GALC: variants seen among roughly 807,000 people sequenced by gnomAD.
GALC encodes the protein galactosylceramidase.
GALC carries 77 observed loss-of-function variants against 91.8 expected under a neutral mutation model. That is an observed-to-expected ratio of 0.84 (90% CI 0.70 to 1.01). GALC has a LOEUF of 1.01. GALC is among the 50% of genes least tolerant of loss of function. The pLI is 0.00. For missense variants in GALC, 882 were observed against 855.9 expected, an observed-to-expected ratio of 1.03 and a Z score of -0.38; for synonymous variants, 357 against 306.7, an observed-to-expected ratio of 1.16 and a Z score of -1.71.
chr14:87,961,838 G>C (rs1398513708), intron 10 of GALC, among the ~76,000 whole-genome samples: 1 of 152,166 alleles, frequency 6.6e-6, no homozygotes, highest in Non-Finnish European at 1.5e-5. Context: ...ATCTCTGCCT[G>C]AAGTACCCGA....
chr14:87,951,463 T>C (rs967186605), intron 10 of GALC, among the ~76,000 whole-genome samples: 3 of 151,892 alleles, frequency 2.0e-5, no homozygotes. Context: ...TCAGCAAGGA[T>C]ATAAGAGATT....
intron 10 of GALC, chr14:87,954,001 T>G (rs753791012): frequency 1.2e-6 from 2 of 1,609,264 alleles, no homozygotes; most frequent in South Asian, 2.2e-5. Flanking sequence ...GGAGATATAA[T>G]TTTACTCGCA....
intron 10 of GALC, chr14:87,954,907 G>A (rs117618365): frequency 1.2e-4 from 186 of 1,567,318 alleles, no homozygotes; most frequent in Non-Finnish European, 1.6e-4. Context: ...AATGACTGTA[G>A]TTGATGGAAG....
rs746922378 is a variant in GALC at position 87,968,359 on chromosome 14, T to G, written c.884A>C (p.Asn295Thr). 3.1e-6 allele frequency: 5 copies of G among 1,613,552 alleles called. No individual in the cohort carries two copies. Among genetic ancestry groups the G allele is most frequent in the Non-Finnish European group, 4.2e-6 (5 of 1,179,684 alleles). The change falls in exon 8 of 17, where the codon AAT (asparagine) becomes ACT (threonine). Residue 295 changes from asparagine (N) to threonine (T), a missense_variant. By Grantham distance (65) the Asn-to-Thr change is moderately conservative (BLOSUM62 0). Coordinates refer to ENST00000261304, the MANE Select transcript of GALC (RefSeq NM_000153.4). ...CGAAGTCATATAGCCATTGATATAATTCTGATTTAAAATGCGACCCCAGCA... is the reference window on the plus strand; with the variant it reads ...CGAAGTCATATAGCCATTGATATAAGTCTGATTTAAAATGCGACCCCAGCA... ...AGCWGRILNQ[N>T]YINGYMTSTI...
intron 10 of GALC, 133 bp from the exon 11 acceptor site, chr14:87,950,881 AT>A: frequency 1.6e-6 from 1 of 624,542 alleles, no homozygotes; most frequent in African/African-American, 1.9e-5. Flanking sequence ...TTTATTTCAC[AT>A]TTTTAAAGAC....
intron 9 of GALC, among the ~76,000 whole-genome samples, 164 bp from the exon 10 acceptor site, chr14:87,963,675 T>C (rs1308127902): frequency 6.6e-6 from 1 of 152,104 alleles, no homozygotes; most frequent in Non-Finnish European, 1.5e-5. Context: ...AATTTTTAAA[T>C]AATTAATCTA....
chr14:87,947,900 T>G (rs780503158), intron 12 of GALC, 22 bp from the exon 13 acceptor site: 3 of 1,608,348 alleles, frequency 1.9e-6, no homozygotes, highest in African/African-American at 2.7e-5. Flanking sequence ...GACACTACTG[T>G]ATTCAGGACC....
At chr14:87,951,821 G>T (rs1025309670) in intron 10 of GALC, among the ~76,000 whole-genome samples, 1 of 151,888 alleles carries the variant, frequency 6.6e-6, no homozygotes, top group Non-Finnish European at 1.5e-5. Flanking sequence ...TTTGTGGTAT[G>T]CCACTAAAGC....
intron 8 of GALC, among the ~76,000 whole-genome samples, chr14:87,966,521 T>C (rs1202202097): frequency 1.3e-5 from 2 of 152,194 alleles, no homozygotes; most frequent in African/African-American, 4.8e-5. Context: ...GAGACTGACA[T>C]TCTTAGCAAA....
Position 87,980,917 on chromosome 14 carries a change from A to G in GALC, c.621+1288T>C, listed in dbSNP as rs142661567. Among the ~76,000 whole-genome samples the G allele has an allele frequency of 6.0e-3, 908 of 152,358 alleles. 12 individuals carry two copies. Among genetic ancestry groups the G allele is most frequent in the African/African-American group, 0.021 (873 of 41,576 alleles). ...TATTGAACCTTATCTACTTAAGAAC[A>G]TAAAACATCCAATTCAAAGAAAATT... On this transcript the variant is annotated intron_variant, in intron 6 of 16. Coordinates refer to ENST00000261304, the MANE Select transcript of GALC (RefSeq NM_000153.4).
At chr14:87,948,994 ATAT>A (rs1220181369) in intron 12 of GALC, among the ~76,000 whole-genome samples, 1 of 152,028 alleles carries the variant, frequency 6.6e-6, no homozygotes, top group Non-Finnish European at 1.5e-5. Flanking sequence ...AGCACCTGGG[ATAT>A]AAAGCTAAAT....
rs1884454437 is a variant in GALC, at chr14:87,933,724, T to C, written c.*1008A>G. 1 of 447,182 alleles carries C rather than the reference T, an allele frequency of 2.2e-6. No individual in the cohort carries two copies. Among genetic ancestry groups the C allele is most frequent in the Non-Finnish European group, 4.0e-6 (1 of 251,246 alleles). The allele number at this position is 447,182 out of a possible 1,614,324, so 27.7% of individuals were successfully genotyped here. ...GAGCCACATTAATGCTTAGTATAAA[T>C]CATACAACATGATGAACACGCTCAC... On this transcript the variant is annotated 3_prime_UTR_variant, in exon 17 of 17. Transcript: ENST00000261304.
intron 16 of GALC, among the ~76,000 whole-genome samples, chr14:87,939,501 T>C (rs926957700): frequency 6.6e-6 from 1 of 151,920 alleles, no homozygotes; most frequent in African/African-American, 2.4e-5. Flanking sequence ...AACCAATTTC[T>C]AAAAATTATG....
chr14:87,955,582 T>TA (rs59438100), intron 10 of GALC, among the ~76,000 whole-genome samples: 75,603 of 118,964 alleles, frequency 0.64, 19,495 homozygotes, highest in East Asian at 0.81. Flanking sequence ...TATCCCTACC[T>TA]AAAAACCGTC....
intron 7 of GALC, 135 bp from the exon 8 acceptor site, chr14:87,968,625 G>A: frequency 2.4e-6 from 2 of 820,656 alleles, no homozygotes; most frequent in South Asian, 1.5e-5. Flanking sequence ...GTAGCTTCCA[G>A]GTAGATAATG....
intron 10 of GALC, among the ~76,000 whole-genome samples, chr14:87,958,528 C>CA: frequency 6.6e-6 from 1 of 152,164 alleles, no homozygotes; most frequent in East Asian, 1.9e-4. Context: ...AGACCACAAA[C>CA]AGTCAATGCA....
At chr14:87,938,012 T>A (rs1884661680) in intron 16 of GALC, among the ~76,000 whole-genome samples, 1 of 152,028 alleles carries the variant, frequency 6.6e-6, no homozygotes, top group African/African-American at 2.4e-5. Context: ...TGAAAGTTTG[T>A]TTTTTAAAAG....
In GALC at chr14:87,992,964, G is replaced by A. The variant is rs766312432; in HGVS notation, c.195+6C>T. ...CCCCCGCGTATCCCCGCAGCTTGCCGCTCACCCCGCCGCCGCTGACCGCGC... is the reference window on the plus strand; with the variant it reads ...CCCCCGCGTATCCCCGCAGCTTGCCACTCACCCCGCCGCCGCTGACCGCGC... On this transcript the variant is annotated splice_donor_region_variant and intron_variant, in intron 1 of 16. Coordinates refer to ENST00000261304, the MANE Select transcript of GALC (RefSeq NM_000153.4). 4.0e-6 allele frequency: 6 copies of A among 1,514,346 alleles called. No homozygotes were observed. The South Asian group carries it at 6.1e-5, about 15-fold the overall frequency. The allele number at this position is 1,514,346 out of a possible 1,614,324, so 93.8% of individuals were successfully genotyped here.
intron 12 of GALC, among the ~76,000 whole-genome samples, chr14:87,949,522 G>A (rs1318609123): frequency 1.3e-5 from 2 of 151,990 alleles, no homozygotes; most frequent in African/African-American, 4.8e-5. Flanking sequence ...ATGAAGAACT[G>A]AAACAAGAAG....
Sources: gnomAD v4.1 joint callset for allele counts (sites outside exome capture counted in the v4.1 genomes callset) on GRCh38, gnomAD v4.1.1 for gene constraint, MANE v1.5 for transcripts, NCBI Gene and HGNC (gene_info 2026-07-23, HGNC 2026-07-21) for gene names.